Variants in OTUD7A observed in about 807,000 individuals in gnomAD.
The protein encoded by OTUD7A is OTU domain-containing protein 7A.
Under a neutral mutation model 65.7 loss-of-function variants are expected in OTUD7A, and 12 were observed. That is an observed-to-expected ratio of 0.18 (90% CI 0.12 to 0.30). The LOEUF is 0.30. OTUD7A is among the 10% of genes least tolerant of loss of function. OTUD7A has a pLI of 1.00. For missense variants in OTUD7A, 1,148 were observed against 1,304.8 expected, an observed-to-expected ratio of 0.88 and a Z score of 1.85; for synonymous variants, 641 against 586.3, an observed-to-expected ratio of 1.09 and a Z score of -1.35.
rs529997782 is a variant in OTUD7A at position 31,599,594 on chromosome 15, T to A, written c.152-29397A>T. On this transcript the variant is annotated intron_variant, in intron 3 of 12. Transcript: ENST00000307050. ...AGAACGCCTCTTCTCCTCCAAAGGA[T>A]CACAACTCCTCGCCAGCAAGGGAAC... Among the ~76,000 whole-genome samples the A allele has an allele frequency of 2.6e-5, 4 of 152,200 alleles. No individual in the cohort carries two copies. The South Asian group carries it at 8.3e-4, about 32-fold the overall frequency.
At chr15:31,860,638 T>TATATATATATATATATAC in intron 1 of OTUD7A, among the ~76,000 whole-genome samples, 1 of 130,022 alleles carries the variant, frequency 7.7e-6, no homozygotes, top group Non-Finnish European at 1.6e-5. Context: ...TATATATATA[T>TATATATATATATATATAC]ATATATGTAT....
chr15:31,768,790 ATAGT>A (rs1895156239), intron 1 of OTUD7A, among the ~76,000 whole-genome samples: 2 of 152,242 alleles, frequency 1.3e-5, no homozygotes, highest in Non-Finnish European at 1.5e-5. Context: ...TCCATATTGA[ATAGT>A]TAAATGTTGT....
At chr15:31,611,432 AAGAG>A in intron 3 of OTUD7A, among the ~76,000 whole-genome samples, 1 of 152,348 alleles carries the variant, frequency 6.6e-6, no homozygotes, top group East Asian at 1.9e-4. Flanking sequence ...CCAAGAAAAG[AAGAG>A]AGAAAATCCA....
intron 1 of OTUD7A, among the ~76,000 whole-genome samples, chr15:31,792,098 G>C (rs1567024979): frequency 6.6e-6 from 1 of 152,070 alleles, no homozygotes. Flanking sequence ...AAAAATCAAA[G>C]CCCTCCGCAT....
At chr15:31,761,273 T>C (rs989244830) in intron 1 of OTUD7A, among the ~76,000 whole-genome samples, 1 of 152,182 alleles carries the variant, frequency 6.6e-6, no homozygotes, top group Non-Finnish European at 1.5e-5. Flanking sequence ...AGAAAATATT[T>C]GCACAATGTA....
In OTUD7A at chr15:31,484,763, G is replaced by C. The variant is rs779830072; in HGVS notation, c.1372-39C>G. ...GAGGGCCGGATCGAAGGTGGTTAGA[G>C]AAGAGCTGTCCACGCGCCAGCGAGG... On this transcript the variant is annotated intron_variant, in intron 12 of 12. Transcript: ENST00000307050. This position sits in a 1 kb window ranked among gnomAD's most constrained non-coding sequence, Gnocchi z 4.5. The C allele has an allele frequency of 6.3e-7, 1 of 1,580,536 alleles. No individual in the cohort carries two copies. The highest frequency in any genetic ancestry group is 8.5e-7 in the Non-Finnish European group (1 of 1,170,032).
At chr15:31,570,442 T>TAC (rs57517466) in intron 3 of OTUD7A, among the ~76,000 whole-genome samples, 15,526 of 142,956 alleles carry the variant, frequency 0.11, 943 homozygotes, top group Middle Eastern at 0.23. Flanking sequence ...TTTAGGTTCA[T>TAC]ACACACACAC....
chr15:31,755,952 G>T (rs1894801171), intron 1 of OTUD7A, among the ~76,000 whole-genome samples: 1 of 152,168 alleles, frequency 6.6e-6, no homozygotes, highest in South Asian at 2.1e-4. Context: ...CTAGAAAGGG[G>T]TTATGGGCTT....
intron 1 of OTUD7A, among the ~76,000 whole-genome samples, chr15:31,798,819 G>A (rs1004400165): frequency 1.3e-5 from 2 of 152,196 alleles, no homozygotes; most frequent in African/African-American, 2.4e-5. Flanking sequence ...CTTGGGGGGG[G>A]GCTCCTGTCA....
chr15:31,820,598 T>C (rs1595792048), intron 1 of OTUD7A, among the ~76,000 whole-genome samples: 1 of 152,334 alleles, frequency 6.6e-6, no homozygotes, highest in East Asian at 1.9e-4. Flanking sequence ...TATTGCTCTC[T>C]CTGCCTGCCT....
chr15:31,662,246 C>A (rs926333503), intron 1 of OTUD7A, among the ~76,000 whole-genome samples: 3 of 152,162 alleles, frequency 2.0e-5, no homozygotes, highest in African/African-American at 7.2e-5. Flanking sequence ...AGGGAAATTT[C>A]TACTAATCTA....
At chr15:31,677,620 G>A (rs528257211) in intron 1 of OTUD7A, among the ~76,000 whole-genome samples, 13 of 152,158 alleles carry the variant, frequency 8.5e-5, no homozygotes, top group Admixed American at 7.8e-4. Context: ...TCTCCTTCCC[G>A]CTGTCCTGTA....
chr15:31,606,744 T>C (rs763859726), intron 3 of OTUD7A, among the ~76,000 whole-genome samples: 1 of 152,216 alleles, frequency 6.6e-6, no homozygotes, highest in Non-Finnish European at 1.5e-5. Flanking sequence ...CCTCTAGGCA[T>C]TAAATGGGTA....
chr15:31,584,679 A>AATGC (rs1368065195), intron 3 of OTUD7A, among the ~76,000 whole-genome samples: 59 of 152,368 alleles, frequency 3.9e-4, no homozygotes, highest in Non-Finnish European at 7.8e-4. Context: ...ACATAGGAAC[A>AATGC]TGTCACCAGC....
intron 3 of OTUD7A, among the ~76,000 whole-genome samples, chr15:31,590,600 T>C (rs542421233): frequency 1.3e-5 from 2 of 152,340 alleles, no homozygotes; most frequent in South Asian, 2.1e-4. Flanking sequence ...GTTGTATGAA[T>C]AGATAAAAGA....
At chr15:31,810,234 G>C (rs1896384226) in intron 1 of OTUD7A, among the ~76,000 whole-genome samples, 1 of 152,194 alleles carries the variant, frequency 6.6e-6, no homozygotes, top group Admixed American at 6.5e-5. Context: ...CAACAGGGAT[G>C]CTAAGGTGGG....
chr15:31,726,050 CAG>C (rs75797292), intron 1 of OTUD7A, among the ~76,000 whole-genome samples: 82 of 73,238 alleles, frequency 1.1e-3, no homozygotes, highest in African/African-American at 4.6e-3. Context: ...CTGAGCCAGA[CAG>C]AGTTTTTTTT....
intron 3 of OTUD7A, among the ~76,000 whole-genome samples, chr15:31,624,973 G>A (rs1188711991): frequency 6.6e-6 from 1 of 152,188 alleles, no homozygotes; most frequent in Admixed American, 6.5e-5. Context: ...ATGACCGATG[G>A]ATTATAGCCT....
intron 8 of OTUD7A, among the ~76,000 whole-genome samples, chr15:31,515,042 G>A (rs981667206): frequency 2.6e-5 from 4 of 152,170 alleles, no homozygotes; most frequent in East Asian, 1.9e-4. Context: ...CCTAGTATGC[G>A]TTGAGTGCCG....
Sources: gnomAD v4.1 joint callset for allele counts (sites outside exome capture counted in the v4.1 genomes callset) on GRCh38, gnomAD v4.1.1 for gene constraint, Gnocchi (gnomAD v3.1) non-coding constraint, MANE v1.5 for transcripts, NCBI Gene and HGNC (gene_info 2026-07-23, HGNC 2026-07-21) for gene names.